SNX25: variants seen among roughly 807,000 people sequenced by gnomAD.
SNX25 encodes the protein sorting nexin-25.
A neutral mutation model predicts 113.7 loss-of-function variants in SNX25; 62 were observed. That is an observed-to-expected ratio of 0.55 (90% confidence interval 0.44 to 0.67). SNX25 has a LOEUF of 0.67. Among genes scored for constraint, SNX25 ranks in the 30% least tolerant of loss-of-function variants. The probability of loss-of-function intolerance (pLI) is 0.00; values close to 1 mark genes in which losing one functional copy is unlikely to be tolerated. For missense variants in SNX25, 1,014 were observed against 1,161.0 expected, an observed-to-expected ratio of 0.87 and a Z score of 1.84; for synonymous variants, 421 against 436.2, an observed-to-expected ratio of 0.97 and a Z score of 0.43.
chr4:185,338,276 GTGT>G (rs2095242202), intron 10 of SNX25, among the ~76,000 whole-genome samples: 2 of 140,368 alleles, frequency 1.4e-5, no homozygotes, highest in African/African-American at 2.8e-5. Context: ...TATATTCTGT[GTGT>G]TTTTTTTTTT....
rs544600054 is a variant in SNX25, at chr4:185,231,500, A to G, written c.430-15794A>G. 3.9e-5 allele frequency among the ~76,000 whole-genome samples: 6 copies of G among 151,970 alleles called. No individual in the cohort carries two copies. The South Asian group carries it at 1.3e-3, about 32-fold the overall frequency. ...CGAAGCAGGCAGATCACTTGAAGTCAGGAGTTCAAGACCAGCCTGGCCAAC... is the reference window on the plus strand; with the variant it reads ...CGAAGCAGGCAGATCACTTGAAGTCGGGAGTTCAAGACCAGCCTGGCCAAC... On this transcript the variant is annotated intron_variant, in intron 1 of 18. Transcript: ENST00000652585.
chr4:185,207,816 T>C (rs1737254573), upstream of SNX25: 1 of 152,212 alleles, frequency 6.6e-6, no homozygotes, highest in African/African-American at 2.4e-5. Flanking sequence ...TGAAGTATGT[T>C]TGGTCCTTAG....
intron 5 of SNX25, among the ~76,000 whole-genome samples, chr4:185,285,690 T>G (rs982365128): frequency 6.6e-6 from 1 of 152,310 alleles, no homozygotes; most frequent in African/African-American, 2.4e-5. Context: ...AGATTGGTAG[T>G]TAGGGGCTGT....
At chr4:185,307,680 A>G (rs1293726375) in intron 6 of SNX25, among the ~76,000 whole-genome samples, 1 of 152,166 alleles carries the variant, frequency 6.6e-6, no homozygotes, top group African/African-American at 2.4e-5. Flanking sequence ...CCATGTTACT[A>G]CAGTGGAGGA....
chr4:185,250,722 GTTT>G (rs61427126), intron 2 of SNX25, among the ~76,000 whole-genome samples: 2 of 143,388 alleles, frequency 1.4e-5, no homozygotes, highest in Admixed American at 6.9e-5. Context: ...TCAGTTTATG[GTTT>G]TTTTTTTTTT....
chr4:185,240,686 C>T (rs1200364541), intron 1 of SNX25, among the ~76,000 whole-genome samples: 1 of 150,844 alleles, frequency 6.6e-6, no homozygotes, highest in Non-Finnish European at 1.5e-5. Flanking sequence ...GGGGCGGCTG[C>T]CGGGCGGGGG....
chr4:185,372,855 C>A, downstream of SNX25: 1 of 1,597,392 alleles, frequency 6.3e-7, no homozygotes, highest in Non-Finnish European at 8.6e-7. Context: ...AAGACATTCA[C>A]CTTTTGGAAA....
chr4:185,368,015 T>TA (rs1457605836), downstream of SNX25, among the ~76,000 whole-genome samples: 3 of 152,020 alleles, frequency 2.0e-5, no homozygotes, highest in South Asian at 2.1e-4. Flanking sequence ...CCGTCTCTAC[T>TA]AAAAATACAA....
At chr4:185,204,755 G>A (rs1737112986), upstream of SNX25, among the ~76,000 whole-genome samples, 1 of 152,236 alleles carries the variant, frequency 6.6e-6, no homozygotes, top group African/African-American at 2.4e-5. Flanking sequence ...AGTGGGAGCT[G>A]TGAGCACAGA....
chr4:185,375,650 A>C, the SNX25 span: 1 of 1,610,202 alleles, frequency 6.2e-7, no homozygotes, highest in Non-Finnish European at 8.5e-7. Flanking sequence ...ATAGTACATC[A>C]CTCCTAGCTG....
At chr4:185,367,801 A>G (rs1232250230), downstream of SNX25, among the ~76,000 whole-genome samples, 4 of 152,156 alleles carry the variant, frequency 2.6e-5, no homozygotes, top group Admixed American at 2.6e-4. Context: ...AGTAGCAGGA[A>G]GTTACACATT....
chr4:185,216,879 C>G (rs1195619448), intron 1 of SNX25, among the ~76,000 whole-genome samples: 2 of 152,092 alleles, frequency 1.3e-5, no homozygotes, highest in East Asian at 1.9e-4. Flanking sequence ...ATGTGTTCTT[C>G]TAAGTTTTAA....
chr4:185,222,496 C>A (rs906194464), intron 1 of SNX25, among the ~76,000 whole-genome samples: 22 of 152,008 alleles, frequency 1.4e-4, no homozygotes, highest in Non-Finnish European at 2.9e-4. Context: ...GGTAGGTTTA[C>A]AGCGCCGTAT....
At chr4:185,375,510 A>ATATATATG in the SNX25 span, 1 of 63,430 alleles carries the variant, frequency 1.6e-5, no homozygotes, top group Non-Finnish European at 2.6e-5. Context: ...ATATATATAT[A>ATATATATG]TATATGTATA....
At chr4:185,352,144 A>G (rs1186210034) in intron 14 of SNX25, among the ~76,000 whole-genome samples, 1 of 152,188 alleles carries the variant, frequency 6.6e-6, no homozygotes, top group Non-Finnish European at 1.5e-5. Flanking sequence ...TATGTGGATA[A>G]GGGAAAGTAT....
chr4:185,337,310 C>A (rs1226068018), intron 10 of SNX25, among the ~76,000 whole-genome samples: 2 of 152,198 alleles, frequency 1.3e-5, no homozygotes, highest in African/African-American at 4.8e-5. Context: ...TTTAACTACT[C>A]CAAGTACCTG....
chr4:185,375,495 TA>T, the SNX25 span: 1 of 52,600 alleles, frequency 1.9e-5, no homozygotes, highest in African/African-American at 1.1e-4. Flanking sequence ...AAAATATATA[TA>T]TATATATATA....
At chr4:185,252,186 C>T (rs1745762953) in intron 2 of SNX25, among the ~76,000 whole-genome samples, 2 of 152,066 alleles carry the variant, frequency 1.3e-5, no homozygotes, top group South Asian at 2.1e-4. Context: ...ACTAGAATCA[C>T]CTTCCAAGAA....
chr4:185,345,619 C>T (rs924114701), intron 12 of SNX25, among the ~76,000 whole-genome samples: 2 of 151,830 alleles, frequency 1.3e-5, no homozygotes, highest in African/African-American at 4.8e-5. Flanking sequence ...ACATAGACTT[C>T]GCCTCTACAA....
Sources: gnomAD v4.1 joint callset for allele counts (sites outside exome capture counted in the v4.1 genomes callset) on GRCh38, gnomAD v4.1.1 for gene constraint, MANE v1.5 for transcripts, NCBI Gene and HGNC (gene_info 2026-07-23, HGNC 2026-07-21) for gene names.